SMAP1: variants seen among roughly 807,000 people sequenced by gnomAD.
The protein encoded by SMAP1 is stromal membrane-associated protein 1.
Under a neutral mutation model 58.5 loss-of-function variants are expected in SMAP1, and 24 were observed. The observed-to-expected ratio is 0.41, with a 90% CI of 0.30 to 0.58. The LOEUF is 0.58. Among genes scored for constraint, SMAP1 ranks in the 20% least tolerant of loss-of-function variants. The pLI, the probability that SMAP1 is intolerant of heterozygous loss-of-function variation, is 0.29. For synonymous variants in SMAP1, 216 were observed against 196.6 expected, an observed-to-expected ratio of 1.10 and a Z score of -0.82; for missense variants, 563 against 566.3, an observed-to-expected ratio of 0.99 and a Z score of 0.06.
chr6:70,767,406 A>G (rs1484494845), intron 3 of SMAP1, among the ~76,000 whole-genome samples: 7 of 152,020 alleles, frequency 4.6e-5, no homozygotes, highest in Non-Finnish European at 1.0e-4. Flanking sequence ...ATTTGTTTGT[A>G]TTCTCTTTTA....
chr6:70,709,140 T>C (rs577932205), intron 1 of SMAP1, among the ~76,000 whole-genome samples: 4 of 152,208 alleles, frequency 2.6e-5, no homozygotes, highest in South Asian at 4.1e-4. Flanking sequence ...GCATTAGATA[T>C]TTAGTTTTCC....
At chr6:70,793,470 A>T (rs1762578042) in intron 5 of SMAP1, among the ~76,000 whole-genome samples, 1 of 152,174 alleles carries the variant, frequency 6.6e-6, no homozygotes, top group South Asian at 2.1e-4. Context: ...GGTGCCAATT[A>T]GTGAGACAAG....
intron 1 of SMAP1, among the ~76,000 whole-genome samples, chr6:70,721,185 C>T (rs1354851950): frequency 6.6e-6 from 1 of 152,138 alleles, no homozygotes; most frequent in Non-Finnish European, 1.5e-5. Flanking sequence ...AACTTTTATG[C>T]TCTGCTTCCC....
intron 10 of SMAP1, chr6:70,859,423 A>G (rs1262180087): frequency 2.0e-6 from 3 of 1,528,496 alleles, no homozygotes; most frequent in African/African-American, 2.8e-5. Flanking sequence ...GTAGGTATGA[A>G]GACGTGATCT....
intron 3 of SMAP1, among the ~76,000 whole-genome samples, chr6:70,767,374 C>G (rs1307377794): frequency 2.6e-5 from 4 of 152,176 alleles, no homozygotes; most frequent in Non-Finnish European, 4.4e-5. Flanking sequence ...TCTTCCTACC[C>G]ATGAGCATGG....
chr6:70,769,719 G>T (rs1421980755), intron 3 of SMAP1, among the ~76,000 whole-genome samples: 1 of 152,146 alleles, frequency 6.6e-6, no homozygotes, highest in Non-Finnish European at 1.5e-5. Context: ...TTGCCAGTCT[G>T]TGTCTTTTAA....
intron 1 of SMAP1, among the ~76,000 whole-genome samples, chr6:70,706,770 T>C (rs1183148902): frequency 6.6e-6 from 1 of 152,208 alleles, no homozygotes; most frequent in Non-Finnish European, 1.5e-5. Flanking sequence ...TGAATTATTT[T>C]GTGTTATGTG....
At chr6:70,786,397 C>T (rs1768031112) in intron 4 of SMAP1, among the ~76,000 whole-genome samples, 1 of 141,148 alleles carries the variant, frequency 7.1e-6, no homozygotes, top group South Asian at 2.5e-4. Flanking sequence ...GGGCACAAGA[C>T]AGGGATGCCC....
intron 1 of SMAP1, among the ~76,000 whole-genome samples, chr6:70,699,113 T>TGG (rs761634609): frequency 3.3e-5 from 5 of 152,312 alleles, no homozygotes; most frequent in Admixed American, 2.0e-4. Flanking sequence ...TCTGCATTAG[T>TGG]GGGGACCCAG....
At chr6:70,749,284 C>G (rs573042243) in intron 2 of SMAP1, among the ~76,000 whole-genome samples, 14 of 152,298 alleles carry the variant, frequency 9.2e-5, no homozygotes, top group Admixed American at 2.0e-4. Flanking sequence ...CCCCATGATT[C>G]AATCACCTCC....
chr6:70,730,705 C>T (rs966470185), intron 1 of SMAP1, among the ~76,000 whole-genome samples: 2 of 152,156 alleles, frequency 1.3e-5, no homozygotes, highest in African/African-American at 4.8e-5. Flanking sequence ...CTATATTGTA[C>T]TTACTAGCTT....
At chr6:70,744,742 T>C (rs1402881074) in intron 2 of SMAP1, among the ~76,000 whole-genome samples, 1 of 152,210 alleles carries the variant, frequency 6.6e-6, no homozygotes, top group Non-Finnish European at 1.5e-5. Flanking sequence ...CTTGGGGAAT[T>C]GCCACACTGT....
chr6:70,857,627 T>G (rs1160240561), intron 9 of SMAP1: 3 of 378,238 alleles, frequency 7.9e-6, no homozygotes, highest in African/African-American at 6.2e-5. Flanking sequence ...AAACAGTGTA[T>G]GATGTCATGC....
At chr6:70,810,065 C>G (rs868733623) in intron 6 of SMAP1, among the ~76,000 whole-genome samples, 3 of 152,100 alleles carry the variant, frequency 2.0e-5, no homozygotes, top group Non-Finnish European at 4.4e-5. Flanking sequence ...CAGTGTAGTA[C>G]CCCTCAGTAA....
At chr6:70,793,448 T>G (rs577036575) in intron 5 of SMAP1, among the ~76,000 whole-genome samples, 176 of 152,210 alleles carry the variant, frequency 1.2e-3, no homozygotes, top group East Asian at 1.5e-3. Context: ...CTTGAACATC[T>G]TAGTAGATGA....
intron 3 of SMAP1, among the ~76,000 whole-genome samples, chr6:70,768,136 G>A (rs1767086302): frequency 6.6e-6 from 1 of 152,184 alleles, no homozygotes; most frequent in African/African-American, 2.4e-5. Flanking sequence ...TTGATGTGCT[G>A]CTGGGTTCGG....
chr6:70,674,858 C>T (rs1346913211), intron 1 of SMAP1, among the ~76,000 whole-genome samples: 1 of 152,056 alleles, frequency 6.6e-6, no homozygotes, highest in Non-Finnish European at 1.5e-5. Flanking sequence ...GCCTGTAGTC[C>T]CAGCTACTCG....
intron 1 of SMAP1, among the ~76,000 whole-genome samples, chr6:70,669,000 G>C (rs1375537096): frequency 6.6e-6 from 1 of 152,104 alleles, no homozygotes; most frequent in African/African-American, 2.4e-5. Flanking sequence ...TTCGGTTGGA[G>C]GGCTTCTGCC....
At chr6:70,806,232 G>C (rs867442888) in intron 6 of SMAP1, among the ~76,000 whole-genome samples, 2 of 152,294 alleles carry the variant, frequency 1.3e-5, no homozygotes, top group Middle Eastern at 3.4e-3. Flanking sequence ...CCTCTCCCCT[G>C]CCCAGCTGCG....
Sources: allele counts gnomAD v4.1 joint callset (sites outside exome capture counted in the v4.1 genomes callset), GRCh38; gene constraint gnomAD v4.1.1; transcripts MANE v1.5; gene names NCBI Gene and HGNC (gene_info 2026-07-23, HGNC 2026-07-21).